CLIC2: variants seen among roughly 807,000 people sequenced by gnomAD.
CLIC2 encodes CLIC family member 2.
A neutral mutation model predicts 14.8 loss-of-function variants in CLIC2; 9 were observed. The observed-to-expected ratio is 0.61, with a 90% confidence interval of 0.37 to 1.06. The LOEUF is 1.06. Among genes scored for constraint, CLIC2 ranks in the 50% least tolerant of loss-of-function variants. The pLI is 0.01. For missense variants in CLIC2, 148 were observed against 181.4 expected (o/e 0.82, Z 1.06); for synonymous variants, 61 against 66.3 (o/e 0.92, Z 0.39).
At chrX:155,278,834 T>G in intron 5 of CLIC2, 1 of 198,876 alleles carries the variant, frequency 5.0e-6, no homozygotes, top group Non-Finnish European at 9.2e-6. Context: ...TACTCAAGAG[T>G]GGGGTGGGAG....
chrX:155,280,994 T>G (rs946744876), intron 3 of CLIC2, among the ~76,000 whole-genome samples: 15 of 103,162 alleles, frequency 1.5e-4, no homozygotes, highest in African/African-American at 4.6e-4. Flanking sequence ...TTGTGAGATA[T>G]ATATATATAT....
At chrX:155,324,276 G>A (rs1427690173) in intron 1 of CLIC2, among the ~76,000 whole-genome samples, 2 of 103,189 alleles carry the variant, frequency 1.9e-5, no homozygotes, top group Non-Finnish European at 4.0e-5. Context: ...AGCCTGTATA[G>A]CCAAAACAAT....
intron 3 of CLIC2, chrX:155,293,409 T>C (rs1460924123): frequency 2.8e-5 from 22 of 788,776 alleles, no homozygotes; most frequent in Non-Finnish European, 3.9e-5. Context: ...GTGAGAATAG[T>C]GGCCATCCTT....
At position 155,279,972 on chromosome X, in the gene CLIC2, C is replaced by A; in HGVS notation, c.390G>T (p.Glu130Asp). 1 of 1,185,231 alleles carries A rather than the reference C, an allele frequency of 8.4e-7. No homozygotes were observed. Among genetic ancestry groups the A allele is most frequent in the South Asian group, 1.8e-5 (1 of 56,389 alleles). Residue 130 changes from glutamate (E) to aspartate (D), a missense_variant, in exon 4 of 6, where the codon GAG becomes GAT. By Grantham distance (45) the Glu-to-Asp change is conservative. Coordinates refer to ENST00000369449, the MANE Select transcript of CLIC2 (RefSeq NM_001289.6). ...AGAAAGGTATCTTACTCTTATTTGC[C>A]TCCTTTTGTGTATTCTTAATGTATG... ...FSAYIKNTQK[E>D]ANKNFEKSLL...
At chrX:155,324,273 A>G (rs1170514665) in intron 1 of CLIC2, among the ~76,000 whole-genome samples, 1 of 105,694 alleles carries the variant, frequency 9.5e-6, no homozygotes, top group Non-Finnish European at 2.0e-5. Context: ...AAGAGCCTGT[A>G]TAGCCAAAAC....
intron 3 of CLIC2, chrX:155,293,056 C>T (rs2074980178): frequency 1.6e-6 from 1 of 619,293 alleles, no homozygotes; most frequent in African/African-American, 2.2e-5. Context: ...CACTCTGGAT[C>T]CTGAGCTCCC....
At chrX:155,279,904 G>T (rs2074912548) in intron 4 of CLIC2, 58 bp downstream of exon 4, 1 of 825,464 alleles carries the variant, frequency 1.2e-6, no homozygotes, top group Non-Finnish European at 1.8e-6. Context: ...TTCTATTTTT[G>T]CTGAGTGAGA....
At chrX:155,303,988 A>C (rs782714189) in intron 1 of CLIC2, among the ~76,000 whole-genome samples, 1,767 of 105,765 alleles carry the variant, frequency 0.017, 51 homozygotes, top group African/African-American at 0.058. Context: ...GGGTAACCCG[A>C]CCTTTCTCTC....
intron 3 of CLIC2, 116 bp downstream of exon 3, chrX:155,298,669 G>T: frequency 1.2e-6 from 1 of 804,481 alleles, no homozygotes; most frequent in Non-Finnish European, 1.9e-6. Context: ...TGTGTCATTT[G>T]ACATGTAGGC....
Position 155,277,936 on chromosome X carries a change from A to T in CLIC2, c.711T>A (p.Asn237Lys), listed in dbSNP as rs782340682. 5.0e-6 allele frequency: 6 copies of T among 1,208,378 alleles called. No homozygotes were observed. The highest frequency in any genetic ancestry group is 1.8e-5 in the South Asian group (1 of 56,758). ...TCTGTTTAGCCACATTTGCGTAAGT[A>T]TTTTCAATTTCTTTGTCTTCAGGAC... ...HTCPEDKEIENTYANVAKQKS is the reference protein window; with the variant it reads ...HTCPEDKEIEKTYANVAKQKS The change falls in exon 6 of 6, where the codon AAT becomes AAA. Residue 237 changes from asparagine to lysine, a missense_variant. Asn to Lys is a moderately conservative substitution (Grantham distance 94). Transcript: ENST00000369449.
At chrX:155,331,720 C>T (rs1381170934) in intron 1 of CLIC2, among the ~76,000 whole-genome samples, 1 of 111,048 alleles carries the variant, frequency 9.0e-6, no homozygotes, top group Non-Finnish European at 1.9e-5. Context: ...ATCCTCTTCT[C>T]ACTCAGTAAA....
chrX:155,332,893 C>T (rs192042340), intron 1 of CLIC2, among the ~76,000 whole-genome samples: 3 of 112,031 alleles, frequency 2.7e-5, no homozygotes, highest in Non-Finnish European at 5.7e-5. Context: ...CTTTAGTTAC[C>T]CAGTGAAGAG....
At chrX:155,302,667 A>G (rs1380353855) in intron 1 of CLIC2, among the ~76,000 whole-genome samples, 1 of 63,479 alleles carries the variant, frequency 1.6e-5, no homozygotes, top group African/African-American at 5.3e-5. Context: ...TTTAATTGTG[A>G]TGTTAGGGTG....
At chrX:155,298,621 T>G (rs1278427222) in intron 3 of CLIC2, among the ~76,000 whole-genome samples, 164 bp downstream of exon 3, 1 of 112,610 alleles carries the variant, frequency 8.9e-6, no homozygotes, top group Admixed American at 9.4e-5. Context: ...ACATATCATC[T>G]TTTTGTATTT....
At chrX:155,326,889 A>ACC (rs2075140237) in intron 1 of CLIC2, among the ~76,000 whole-genome samples, 1 of 111,751 alleles carries the variant, frequency 8.9e-6, no homozygotes, top group Non-Finnish European at 1.9e-5. Context: ...ACATGATAAA[A>ACC]TTATCAAAGC....
At position 155,300,809 on chromosome X, in the gene CLIC2, T is replaced by C. The variant is rs1313018869; in HGVS notation, c.58-1664A>G. On this transcript the variant is annotated intron_variant, in intron 1 of 5. Coordinates refer to ENST00000369449, the MANE Select transcript of CLIC2 (RefSeq NM_001289.6). ...CTTTCTACATATGGCTAGCCAGTTT[T>C]CCCAGCACCATTTAATAAATAGGGA... Among the ~76,000 whole-genome samples the C allele has an allele frequency of 1.4e-3, 130 of 91,601 alleles. 1 individual carries two copies. The highest frequency in any genetic ancestry group is 4.6e-3 in the African/African-American group (123 of 26,967). The allele number at this position is 91,601 out of a possible 115,157, so 79.5% of individuals were successfully genotyped here.
At chrX:155,304,866 G>C (rs1352833034) in intron 1 of CLIC2, among the ~76,000 whole-genome samples, 3 of 93,527 alleles carry the variant, frequency 3.2e-5, no homozygotes, top group African/African-American at 1.1e-4. Flanking sequence ...GCCCCTGCTG[G>C]GGGGTGCCTC....
intron 1 of CLIC2, among the ~76,000 whole-genome samples, chrX:155,299,681 T>G (rs782185130): frequency 1.4e-3 from 151 of 106,150 alleles, no homozygotes; most frequent in Non-Finnish European, 2.6e-3. Flanking sequence ...ACCCACTAAC[T>G]CGTCATCTAG....
chrX:155,285,550 C>T (rs1463812125), intron 3 of CLIC2, among the ~76,000 whole-genome samples: 1 of 111,554 alleles, frequency 9.0e-6, no homozygotes, highest in African/African-American at 3.3e-5. Context: ...TTAGATCTAA[C>T]CACATGAATT....
Sources: allele counts gnomAD v4.1 joint callset (sites outside exome capture counted in the v4.1 genomes callset), GRCh38; gene constraint gnomAD v4.1.1; transcripts MANE v1.5; gene names NCBI Gene and HGNC (gene_info 2026-07-23, HGNC 2026-07-21).